The following ARHGAP15 variants were observed in gnomAD, a reference collection of about 807,000 sequenced individuals.
ARHGAP15 encodes the protein rho GTPase-activating protein 15.
Under a neutral mutation model 63.7 loss-of-function variants are expected in ARHGAP15, and 51 were observed. That is an observed-to-expected ratio of 0.80 (90% CI 0.64 to 1.01). ARHGAP15 has a LOEUF of 1.01. ARHGAP15 is among the 50% of genes least tolerant of loss of function. ARHGAP15 has a pLI of 0.00. For synonymous variants in ARHGAP15, 191 were observed against 193.8 expected (o/e 0.99, Z 0.12); for missense variants, 560 against 564.6 (o/e 0.99, Z 0.08).
intron 13 of ARHGAP15, among the ~76,000 whole-genome samples, chr2:143,739,489 G>A (rs147867050): frequency 1.8e-3 from 273 of 152,230 alleles, no homozygotes; most frequent in African/African-American, 6.1e-3. Flanking sequence ...AAGAAATAGC[G>A]CCCAGAGTCC....
intron 12 of ARHGAP15, among the ~76,000 whole-genome samples, chr2:143,678,858 CT>C (rs1200829034): frequency 2.6e-5 from 4 of 152,084 alleles, no homozygotes; most frequent in Non-Finnish European, 5.9e-5. Flanking sequence ...AAGCAAATGA[CT>C]TTTATACTTA....
chr2:143,501,726 G>A (rs191359262), intron 9 of ARHGAP15, among the ~76,000 whole-genome samples: 2 of 152,310 alleles, frequency 1.3e-5, no homozygotes, highest in South Asian at 2.1e-4. Context: ...AACACATGAA[G>A]AGAGACAACC....
chr2:143,767,177 G>C (rs1369099379), intron 13 of ARHGAP15, among the ~76,000 whole-genome samples: 1 of 152,080 alleles, frequency 6.6e-6, no homozygotes, highest in Non-Finnish European at 1.5e-5. Context: ...AAATCAAGTA[G>C]GCTTCAGCTG....
At chr2:143,388,398 C>T (rs890596763) in intron 6 of ARHGAP15, among the ~76,000 whole-genome samples, 7 of 152,156 alleles carry the variant, frequency 4.6e-5, no homozygotes, top group African/African-American at 1.7e-4. Context: ...ACTTGGTTTA[C>T]TTTGTATGTA....
At chr2:143,188,647 ATTATT>A (rs1460114404) in intron 2 of ARHGAP15, among the ~76,000 whole-genome samples, 2 of 144,686 alleles carry the variant, frequency 1.4e-5, no homozygotes, top group Non-Finnish European at 3.0e-5. Context: ...TATTATTATT[ATTATT>A]ATTTGTCTCC....
At chr2:143,318,874 TG>T (rs945396762) in intron 6 of ARHGAP15, among the ~76,000 whole-genome samples, 12 of 152,300 alleles carry the variant, frequency 7.9e-5, no homozygotes, top group African/African-American at 2.6e-4. Context: ...TTGTTGAGTT[TG>T]CACTAACTAA....
intron 12 of ARHGAP15, among the ~76,000 whole-genome samples, chr2:143,666,482 G>T (rs1282589210): frequency 1.3e-5 from 2 of 149,890 alleles, no homozygotes; most frequent in Non-Finnish European, 3.0e-5. Context: ...GAAAACCTAG[G>T]CATTACCATT....
At chr2:143,469,785 T>C (rs1369512770) in intron 8 of ARHGAP15, among the ~76,000 whole-genome samples, 1 of 152,196 alleles carries the variant, frequency 6.6e-6, no homozygotes, top group Non-Finnish European at 1.5e-5. Flanking sequence ...GTGAAATATA[T>C]TTTTAAAATT....
intron 6 of ARHGAP15, among the ~76,000 whole-genome samples, chr2:143,337,227 G>C (rs1226641960): frequency 6.9e-6 from 1 of 144,884 alleles, no homozygotes; most frequent in Non-Finnish European, 1.6e-5. Flanking sequence ...CAACTTGCTG[G>C]TCTAGCTGGA....
chr2:143,332,063 A>G (rs1340695962), intron 6 of ARHGAP15, among the ~76,000 whole-genome samples: 1 of 152,182 alleles, frequency 6.6e-6, no homozygotes. Flanking sequence ...TGTTTGAGTC[A>G]TAAGTGGTCC....
At chr2:143,212,243 C>T (rs761698540) in intron 3 of ARHGAP15, among the ~76,000 whole-genome samples, 12 of 152,174 alleles carry the variant, frequency 7.9e-5, no homozygotes, top group African/African-American at 1.2e-4. Context: ...TCTTGTCTGT[C>T]GCCTCCAACG....
chr2:143,317,915 A>G (rs1683794972), intron 6 of ARHGAP15, among the ~76,000 whole-genome samples: 1 of 151,578 alleles, frequency 6.6e-6, no homozygotes, highest in African/African-American at 2.4e-5. Context: ...CAGATAGCAT[A>G]TTACTTGCAT....
chr2:143,462,639 T>C (rs1691000331), intron 8 of ARHGAP15, among the ~76,000 whole-genome samples: 1 of 152,208 alleles, frequency 6.6e-6, no homozygotes, highest in South Asian at 2.1e-4. Context: ...CCATGTGCAT[T>C]GAGTGTTGAA....
At chr2:143,737,888 C>T (rs185341616) in intron 13 of ARHGAP15, among the ~76,000 whole-genome samples, 1 of 152,196 alleles carries the variant, frequency 6.6e-6, no homozygotes, top group East Asian at 1.9e-4. Context: ...TTCTGAGTAG[C>T]TGGAATTACA....
intron 6 of ARHGAP15, among the ~76,000 whole-genome samples, chr2:143,387,805 A>AGGT (rs1687356577): frequency 1.3e-5 from 2 of 152,080 alleles, no homozygotes; most frequent in Admixed American, 1.3e-4. Context: ...CCTTATCTGA[A>AGGT]GGTGAAAGAA....
chr2:143,692,111 T>A (rs919245770), intron 12 of ARHGAP15, among the ~76,000 whole-genome samples: 1 of 152,110 alleles, frequency 6.6e-6, no homozygotes, highest in Non-Finnish European at 1.5e-5. Context: ...GCAGCTAGAC[T>A]CTCATGGTAA....
chr2:143,662,944 G>T (rs891245606), intron 12 of ARHGAP15, among the ~76,000 whole-genome samples: 3 of 144,342 alleles, frequency 2.1e-5, no homozygotes, highest in Admixed American at 6.8e-5. Flanking sequence ...TCTGATTGGC[G>T]TACCTGAAAG....
Position 143,331,953 on chromosome 2 carries a change from T to C in ARHGAP15, c.474+81353T>C, listed in dbSNP as rs1415401874. On this transcript the variant is annotated intron_variant, in intron 6 of 13. Coordinates refer to ENST00000295095, the MANE Select transcript of ARHGAP15 (RefSeq NM_018460.4). Reference sequence around the variant, plus strand: ...AGAACTGTTTTACAAAGCATACATTTCTAGAGTTCTTTCTGTGCCTTTTTT... The same window carrying C: ...AGAACTGTTTTACAAAGCATACATTCCTAGAGTTCTTTCTGTGCCTTTTTT... 3.9e-5 allele frequency among the ~76,000 whole-genome samples: 6 copies of C among 152,200 alleles called. No homozygotes were observed. The South Asian group carries it at 1.2e-3, about 32-fold the overall frequency.
At chr2:143,593,857 A>G (rs901469569) in intron 11 of ARHGAP15, among the ~76,000 whole-genome samples, 1 of 152,218 alleles carries the variant, frequency 6.6e-6, no homozygotes, top group Non-Finnish European at 1.5e-5. Flanking sequence ...GCAAAATAAT[A>G]TAATCTGTGC....
Sources: allele counts gnomAD v4.1 joint callset (sites outside exome capture counted in the v4.1 genomes callset), GRCh38; gene constraint gnomAD v4.1.1; transcripts MANE v1.5; gene names NCBI Gene and HGNC (gene_info 2026-07-23, HGNC 2026-07-21).